Variants in COBLL1 observed in about 807,000 individuals in gnomAD.
COBLL1 encodes the protein cordon-bleu WH2 repeat protein like 1.
A neutral mutation model predicts 94.8 loss-of-function variants in COBLL1; 50 were observed. The ratio of observed to expected loss-of-function variants is 0.53; its 90% CI spans 0.42 to 0.67. The LOEUF is 0.67. Ranked by LOEUF, COBLL1 falls within the 30% of genes least tolerant of loss-of-function variation. The probability of loss-of-function intolerance (pLI) is 0.00; values close to 1 mark genes in which losing one functional copy is unlikely to be tolerated. For missense variants in COBLL1, 1,362 were observed against 1,348.7 expected, an observed-to-expected ratio of 1.01 and a Z score of -0.15; for synonymous variants, 448 against 473.8, an observed-to-expected ratio of 0.95 and a Z score of 0.71.
At chr2:164,701,441 G>A (rs1184514788) in intron 9 of COBLL1, among the ~76,000 whole-genome samples, 1 of 152,198 alleles carries the variant, frequency 6.6e-6, no homozygotes, top group East Asian at 1.9e-4. Context: ...TTGATTCTCA[G>A]AGGCAACTTG....
At chr2:164,779,778 A>T in intron 2 of COBLL1, 1 of 470,256 alleles carries the variant, frequency 2.1e-6, no homozygotes, top group Non-Finnish European at 4.4e-6. Flanking sequence ...CTGTCCCAAT[A>T]ACTGAGCCTA....
intron 13 of COBLL1, among the ~76,000 whole-genome samples, chr2:164,688,859 A>G (rs561153631): frequency 1.8e-5 from 2 of 113,076 alleles, no homozygotes; most frequent in Non-Finnish European, 1.8e-5. Context: ...ATAGTGATAA[A>G]TATCAATATC....
chr2:164,686,356 G>A (rs73013645), intron 13 of COBLL1, among the ~76,000 whole-genome samples: 5,439 of 152,164 alleles, frequency 0.036, 119 homozygotes, highest in Non-Finnish European at 0.044. Flanking sequence ...GATTAATTCT[G>A]TAATTCTGGC....
intron 2 of COBLL1, among the ~76,000 whole-genome samples, chr2:164,817,360 TTA>T (rs1491401481): frequency 6.1e-5 from 5 of 81,388 alleles, no homozygotes; most frequent in African/African-American, 1.7e-4. Context: ...ATGGTATATA[TTA>T]AAAAAAAAAA....
At position 164,685,827 on chromosome 2, in the gene COBLL1, CTAA is replaced by C. The variant is rs1199761901; in HGVS notation, c.*116_*118del. The C allele has an allele frequency of 2.1e-5, 9 of 426,848 alleles. No homozygotes were observed. In the East Asian group the frequency reaches 3.2e-4, roughly 15 times the overall value. 26.4% of individuals were successfully genotyped at this position (426,848 alleles called of 1,614,324 possible). On this transcript the variant is annotated 3_prime_UTR_variant, in exon 14 of 14. Transcript: ENST00000652658. ...GGCATTAAAAGCCACAACACAAATT[CTAA>C]TATTTTAATAGATAATATATTAGTG... is the stretch of plus-strand genomic sequence containing the variant.
At position 164,682,524 on chromosome 2, in the gene COBLL1, T is replaced by C. The variant is rs1683085108; in HGVS notation, c.*3422A>G. 1 of 152,292 alleles carries C rather than the reference T, an allele frequency of 6.6e-6. No individual in the cohort carries two copies. The highest frequency in any genetic ancestry group is 2.1e-4 in the South Asian group (1 of 4,826). 9.4% of individuals were successfully genotyped at this position (152,292 alleles called of 1,614,324 possible). A position where few individuals can be genotyped will look rare whatever the true frequency, so the allele number is the denominator to read the frequency against. On this transcript the variant is annotated 3_prime_UTR_variant, in exon 14 of 14. Transcript: ENST00000652658. Reference sequence around the variant, plus strand: ...TCTCATTTCAAGGACTTGGATAAGATGACAGAGTGTGTATGCTGTTGCCAG... The same window carrying C: ...TCTCATTTCAAGGACTTGGATAAGACGACAGAGTGTGTATGCTGTTGCCAG...
At chr2:164,736,474 G>A (rs1317889549) in intron 3 of COBLL1, among the ~76,000 whole-genome samples, 1 of 152,106 alleles carries the variant, frequency 6.6e-6, no homozygotes, top group Non-Finnish European at 1.5e-5. Flanking sequence ...AAGCTGATAA[G>A]TTCTTAACAT....
chr2:164,787,119 A>G (rs1487959786), intron 2 of COBLL1, among the ~76,000 whole-genome samples: 1 of 152,168 alleles, frequency 6.6e-6, no homozygotes, highest in Admixed American at 6.5e-5. Context: ...ACACTAAGGA[A>G]TTGGACATCT....
At chr2:164,780,638 C>T (rs1156274523) in intron 2 of COBLL1, among the ~76,000 whole-genome samples, 1 of 152,120 alleles carries the variant, frequency 6.6e-6, no homozygotes, top group Non-Finnish European at 1.5e-5. Context: ...GATATTATCA[C>T]CACAGCGAAT....
At chr2:164,725,101 G>GATATATACAT (rs1200317070) in intron 5 of COBLL1, 1 of 76,298 alleles carries the variant, frequency 1.3e-5, no homozygotes, top group African/African-American at 5.6e-5. Context: ...TACCCTGCAG[G>GATATATACAT]ATATATATAT....
At chr2:164,764,650 A>G (rs1451670556) in intron 2 of COBLL1, among the ~76,000 whole-genome samples, 3 of 152,146 alleles carry the variant, frequency 2.0e-5, no homozygotes, top group Non-Finnish European at 4.4e-5. Context: ...GGCAAACAGA[A>G]TGTTCTAGGA....
chr2:164,702,558 C>CAAAAAAAAAAAAAAAAAAAAA (rs56011410), intron 9 of COBLL1, among the ~76,000 whole-genome samples: 1 of 82,146 alleles, frequency 1.2e-5, no homozygotes, highest in Non-Finnish European at 2.5e-5. Flanking sequence ...TGAGACTCCT[C>CAAAAAAAAAAAAAAAAAAAAA]AAAAAAAAAA....
chr2:164,787,446 AGAT>A (rs1682919557), intron 2 of COBLL1, among the ~76,000 whole-genome samples: 1 of 152,236 alleles, frequency 6.6e-6, no homozygotes, highest in South Asian at 2.1e-4. Context: ...TAACTATATG[AGAT>A]GATGAATATG....
intron 2 of COBLL1, among the ~76,000 whole-genome samples, chr2:164,772,212 A>G (rs1023210312): frequency 6.7e-6 from 1 of 148,888 alleles, no homozygotes; most frequent in African/African-American, 2.5e-5. Context: ...TTTTTAAAAT[A>G]AAACATGGCA....
At chr2:164,740,100 C>G (rs1386159582) in intron 3 of COBLL1, among the ~76,000 whole-genome samples, 1 of 152,060 alleles carries the variant, frequency 6.6e-6, no homozygotes, top group Non-Finnish European at 1.5e-5. Context: ...ATGAGTCATG[C>G]CTGAATTATA....
chr2:164,832,537 C>A (rs1262700356), intron 2 of COBLL1, among the ~76,000 whole-genome samples: 1 of 152,104 alleles, frequency 6.6e-6, no homozygotes, highest in African/African-American at 2.4e-5. Context: ...TACTATATAA[C>A]TCAGCTTCTT....
intron 1 of COBLL1, among the ~76,000 whole-genome samples, chr2:164,667,946 CTTTT>C (rs1170450391): frequency 7.5e-6 from 1 of 132,852 alleles, no homozygotes; most frequent in Admixed American, 7.5e-5. Context: ...TCTCGGCTTT[CTTTT>C]TTTTTTTTTT....
intron 2 of COBLL1, among the ~76,000 whole-genome samples, chr2:164,806,834 G>A (rs1275680117): frequency 6.6e-6 from 1 of 151,962 alleles, no homozygotes; most frequent in African/African-American, 2.4e-5. Flanking sequence ...TGAGTAGCAG[G>A]GTCTACAAGC....
chr2:164,818,268 G>A (rs545065873), intron 2 of COBLL1, among the ~76,000 whole-genome samples: 7 of 100,092 alleles, frequency 7.0e-5, no homozygotes, highest in Admixed American at 3.1e-4. Flanking sequence ...ACATATACAC[G>A]TATGTATGTA....
Sources: gnomAD v4.1 joint callset for allele counts (sites outside exome capture counted in the v4.1 genomes callset) on GRCh38, gnomAD v4.1.1 for gene constraint, MANE v1.5 for transcripts, NCBI Gene and HGNC (gene_info 2026-07-23, HGNC 2026-07-21) for gene names.